The following THSD7A variants were observed in gnomAD, a reference collection of about 807,000 sequenced individuals.
THSD7A encodes the protein thrombospondin type-1 domain-containing protein 7A.
A neutral mutation model predicts 231.3 loss-of-function variants in THSD7A; 96 were observed. The ratio of observed to expected loss-of-function variants is 0.41; its 90% CI spans 0.35 to 0.49. The LOEUF is 0.49. THSD7A is among the 20% of genes least tolerant of loss of function. The pLI is 0.05. For synonymous variants in THSD7A, 940 were observed against 743.3 expected (o/e 1.26, Z -4.30); for missense variants, 2,290 against 2,070.2 (o/e 1.11, Z -2.06).
chr7:11,548,910 G>A (rs961432488), intron 4 of THSD7A, among the ~76,000 whole-genome samples: 9 of 151,404 alleles, frequency 5.9e-5, no homozygotes, highest in African/African-American at 1.9e-4. Flanking sequence ...GACAAAAGCT[G>A]TAAGTATTCA....
intron 6 of THSD7A, among the ~76,000 whole-genome samples, chr7:11,491,443 T>G (rs916915299): frequency 6.6e-6 from 1 of 151,996 alleles, no homozygotes; most frequent in Non-Finnish European, 1.5e-5. Flanking sequence ...GTAATTAACA[T>G]GAACTTTTCA....
chr7:11,452,671 C>G (rs1017617344), intron 11 of THSD7A, among the ~76,000 whole-genome samples: 2 of 151,866 alleles, frequency 1.3e-5, no homozygotes, highest in Admixed American at 6.6e-5. Context: ...ATGGAGCATC[C>G]AAGAACAATC....
chr7:11,652,299 G>T (rs1782533852), intron 1 of THSD7A, among the ~76,000 whole-genome samples: 1 of 151,878 alleles, frequency 6.6e-6, no homozygotes, highest in African/African-American at 2.4e-5. Flanking sequence ...AGCAGGACTG[G>T]CATTACTACA....
chr7:11,673,195 G>C (rs1308209949), intron 1 of THSD7A, among the ~76,000 whole-genome samples: 2 of 152,112 alleles, frequency 1.3e-5, no homozygotes, highest in Non-Finnish European at 2.9e-5. Flanking sequence ...ACCCAGATTG[G>C]ACGTAAGGAA....
At chr7:11,778,786 G>T (rs181976699) in intron 1 of THSD7A, among the ~76,000 whole-genome samples, 3 of 152,156 alleles carry the variant, frequency 2.0e-5, no homozygotes, top group African/African-American at 7.2e-5. Flanking sequence ...AATAGAAATT[G>T]TCACATTGAC....
intron 6 of THSD7A, among the ~76,000 whole-genome samples, chr7:11,498,397 TC>T (rs776700032): frequency 1.9e-4 from 29 of 152,100 alleles, no homozygotes; most frequent in African/African-American, 6.3e-4. Context: ...AGCTCAATCC[TC>T]TTCCTCCTCA....
chr7:11,526,235 T>C (rs1457139501), intron 6 of THSD7A, among the ~76,000 whole-genome samples: 1 of 152,196 alleles, frequency 6.6e-6, no homozygotes, highest in Non-Finnish European at 1.5e-5. Context: ...CATGCCCAAC[T>C]ATTTGCAGCT....
intron 1 of THSD7A, among the ~76,000 whole-genome samples, chr7:11,758,789 T>C (rs377166106): frequency 6.6e-6 from 1 of 152,058 alleles, no homozygotes; most frequent in African/African-American, 2.4e-5. Flanking sequence ...GATGACCGGA[T>C]AGTAAATATT....
intron 2 of THSD7A, among the ~76,000 whole-genome samples, chr7:11,602,415 A>G (rs1780584171): frequency 1.3e-5 from 2 of 152,170 alleles, no homozygotes; most frequent in African/African-American, 4.8e-5. Flanking sequence ...AGAAGTACAA[A>G]GATAAGATTA....
At chr7:11,795,384 T>C (rs1028049262) in intron 1 of THSD7A, among the ~76,000 whole-genome samples, 3 of 151,974 alleles carry the variant, frequency 2.0e-5, no homozygotes, top group African/African-American at 7.2e-5. Context: ...CCATTTATGA[T>C]TTATGATAGG....
intron 26 of THSD7A, 68 bp from the exon 27 acceptor site, chr7:11,376,725 G>T: frequency 1.7e-6 from 2 of 1,211,916 alleles, no homozygotes; most frequent in South Asian, 1.4e-5. Context: ...CTTTAACTAT[G>T]ACCAATGATC....
intron 7 of THSD7A, among the ~76,000 whole-genome samples, chr7:11,480,234 T>C (rs1786368158): frequency 6.6e-6 from 1 of 152,212 alleles, no homozygotes; most frequent in Non-Finnish European, 1.5e-5. Flanking sequence ...CACAAATTTC[T>C]GCCTTTAAAA....
chr7:11,379,536 A>T, intron 25 of THSD7A, 94 bp downstream of exon 25: 2 of 1,230,378 alleles, frequency 1.6e-6, no homozygotes, highest in Non-Finnish European at 2.3e-6. Context: ...ATGCCTCAAG[A>T]CATGCTTTCT....
chr7:11,555,698 T>C (rs1314443955), intron 4 of THSD7A, among the ~76,000 whole-genome samples: 1 of 151,848 alleles, frequency 6.6e-6, no homozygotes, highest in Non-Finnish European at 1.5e-5. Context: ...AATTACAGTT[T>C]TGTCTATTTC....
At chr7:11,487,599 G>A (rs894772649) in intron 6 of THSD7A, among the ~76,000 whole-genome samples, 3 of 152,080 alleles carry the variant, frequency 2.0e-5, no homozygotes, top group African/African-American at 7.2e-5. Context: ...TAAAGAAAAA[G>A]AGGTTTAATG....
intron 6 of THSD7A, among the ~76,000 whole-genome samples, chr7:11,512,011 G>A (rs138456220): frequency 0.026 from 3,922 of 152,178 alleles, 176 homozygotes; most frequent in African/African-American, 0.089. Flanking sequence ...TACAGAATGG[G>A]AGAAAATTTT....
chr7:11,431,903 C>T (rs186754910), intron 13 of THSD7A, among the ~76,000 whole-genome samples: 3 of 152,050 alleles, frequency 2.0e-5, no homozygotes, highest in Admixed American at 2.0e-4. Context: ...TATATTTATT[C>T]CTAAGTATTT....
intron 23 of THSD7A, chr7:11,384,608 A>T (rs1782656655): frequency 6.6e-6 from 1 of 152,008 alleles, no homozygotes; most frequent in Non-Finnish European, 1.5e-5. Context: ...TCATCCACTC[A>T]TTCTCCCACT....
At chr7:11,420,889 A>C (rs1316468516) in intron 16 of THSD7A, among the ~76,000 whole-genome samples, 4 of 152,190 alleles carry the variant, frequency 2.6e-5, no homozygotes, top group African/African-American at 9.7e-5. Context: ...GAAGCTTTAA[A>C]ATTTAATGAC....
Sources: gnomAD v4.1 joint callset for allele counts (sites outside exome capture counted in the v4.1 genomes callset) on GRCh38, gnomAD v4.1.1 for gene constraint, MANE v1.5 for transcripts, NCBI Gene and HGNC (gene_info 2026-07-23, HGNC 2026-07-21) for gene names.